The following WDR5 variants were observed in gnomAD, a reference collection of about 807,000 sequenced individuals.
WDR5 encodes the protein WD repeat domain 5, also known as WD repeat-containing protein 5.
For missense variants in WDR5, 187 were observed against 416.9 expected, an observed-to-expected ratio of 0.45 and a Z score of 4.80; for synonymous variants, 144 against 161.6, an observed-to-expected ratio of 0.89 and a Z score of 0.83.
In WDR5 at chr9:134,157,748, G is replaced by A. The variant is rs1832814462; in HGVS notation, c.905-145G>A. ...CCCCTGGGCTCCCTGTGTCGAAGGT[G>A]GGCAGTGGGTGCTTGTCCTGTGACC... On this transcript the variant is annotated intron_variant, in intron 13 of 13. Transcript: ENST00000358625. This position sits in a 1 kb window ranked among gnomAD's most constrained non-coding sequence, Gnocchi z 5.0. 2 of 664,762 alleles carry A rather than the reference G, an allele frequency of 3.0e-6. No homozygotes were observed. Among genetic ancestry groups the A allele is most frequent in the Admixed American group, 2.5e-5 (1 of 40,210 alleles). 41.2% of individuals were successfully genotyped at this position (664,762 alleles called of 1,614,324 possible).
At chr9:134,154,724 C>G (rs1201692628) in intron 10 of WDR5, among the ~76,000 whole-genome samples, 183 bp downstream of exon 10, 1 of 152,218 alleles carries the variant, frequency 6.6e-6, no homozygotes, top group Non-Finnish European at 1.5e-5. Flanking sequence ...TCCATCCCTT[C>G]CCGAGGCTGA....
rs1051154394 is a variant in WDR5, at chr9:134,158,053, A to G, written c.*60A>G. On this transcript the variant is annotated 3_prime_UTR_variant, in exon 14 of 14. Coordinates refer to ENST00000358625, the MANE Select transcript of WDR5 (RefSeq NM_017588.3). ...AAGTTGACCCGGATTGGCAAGAAAC[A>G]GGGTGTCTTGGAGGTGGTCCCCCAG... 2.0e-6 allele frequency: 3 copies of G among 1,511,698 alleles called. No homozygotes were observed. The highest frequency in any genetic ancestry group is 1.7e-4 in the Middle Eastern group (1 of 5,878). The allele number at this position is 1,511,698 out of a possible 1,614,324, so 93.6% of individuals were successfully genotyped here.
rs1289611007 is a variant in WDR5, at chr9:134,159,576, A to G, written c.*1583A>G. ...GGGTGAGGAGGGGATTATCTGAGGC[A>G]TCTGGAGATGTATATCCTGTGGTTT... On this transcript the variant is annotated 3_prime_UTR_variant, in exon 14 of 14. Coordinates refer to ENST00000358625, the MANE Select transcript of WDR5 (RefSeq NM_017588.3). The surrounding 1 kb of genome is among the most constrained non-coding windows in gnomAD (Gnocchi z 4.3). 1 of 152,184 alleles carries G rather than the reference A, an allele frequency of 6.6e-6. No homozygotes were observed. Among genetic ancestry groups the G allele is most frequent in the Non-Finnish European group, 1.5e-5 (1 of 68,072 alleles). 9.4% of individuals were successfully genotyped at this position (152,184 alleles called of 1,614,324 possible). A position where few individuals can be genotyped will look rare whatever the true frequency, so the allele number is the denominator to read the frequency against.
In WDR5 at chr9:134,139,861, C is replaced by T. The variant is rs377606529; in HGVS notation, c.-17C>T. On this transcript the variant is annotated 5_prime_UTR_variant, in exon 2 of 14. Transcript: ENST00000358625. ...GGTCCCTCCACCCTTGTCTCCTGTGCGGCCAGCGTCAGAGCCATGGCGACG... is the reference window on the plus strand; with the variant it reads ...GGTCCCTCCACCCTTGTCTCCTGTGTGGCCAGCGTCAGAGCCATGGCGACG... The T allele has an allele frequency of 1.5e-5, 24 of 1,613,222 alleles. No individual in the cohort carries two copies. Among genetic ancestry groups the T allele is most frequent in the East Asian group, 4.5e-5 (2 of 44,892 alleles).
rs570845600 is a variant in WDR5 at position 134,148,995 on chromosome 9, C to T, written c.584+652C>T. On this transcript the variant is annotated intron_variant, in intron 8 of 13. Coordinates refer to ENST00000358625, the MANE Select transcript of WDR5 (RefSeq NM_017588.3). Reference sequence around the variant, plus strand: ...TGTTTTGGATGTGGGGCGGACACATCATAAGCTGTTCAGATTGGTCACTGG... The same window carrying T: ...TGTTTTGGATGTGGGGCGGACACATTATAAGCTGTTCAGATTGGTCACTGG... Among the ~76,000 whole-genome samples, 23 of 152,206 alleles carry T rather than the reference C, an allele frequency of 1.5e-4. 1 individual carries two copies. Among genetic ancestry groups the T allele is most frequent in the African/African-American group, 5.3e-4 (22 of 41,520 alleles).
chr9:134,142,119 C>T, intron 5 of WDR5, 81 bp downstream of exon 5: 2 of 1,240,116 alleles, frequency 1.6e-6, no homozygotes, highest in East Asian at 2.8e-5. Context: ...GTTGACTGCT[C>T]AGTAAGCAAC....
intron 4 of WDR5, 80 bp from the exon 5 acceptor site, chr9:134,141,869 G>T: frequency 7.3e-7 from 1 of 1,363,292 alleles, no homozygotes; most frequent in Non-Finnish European, 1.0e-6. Flanking sequence ...GAGGGCAATG[G>T]GGATGTTTGG....
At chr9:134,154,351 G>T (rs1307015376) in intron 9 of WDR5, 115 bp from the exon 10 acceptor site, 33 of 1,042,160 alleles carry the variant, frequency 3.2e-5, no homozygotes, top group Non-Finnish European at 4.5e-5. Context: ...GGCACTGATG[G>T]TGGTGGCCGA....
At chr9:134,155,796 C>T in intron 12 of WDR5, 29 bp downstream of exon 12, 1 of 1,606,966 alleles carries the variant, frequency 6.2e-7, no homozygotes, top group Non-Finnish European at 8.5e-7. Context: ...AAGCGTCTCA[C>T]CTGTTCCCAG....
intron 7 of WDR5, among the ~76,000 whole-genome samples, chr9:134,143,536 T>TC (rs1300492253): frequency 6.6e-6 from 1 of 151,704 alleles, no homozygotes; most frequent in Admixed American, 6.6e-5. Flanking sequence ...TCTGTCTTTT[T>TC]TTTTTTTTGA....
chr9:134,153,827 G>C (rs35387289), intron 9 of WDR5, among the ~76,000 whole-genome samples: 7,589 of 152,148 alleles, frequency 0.05, 435 homozygotes, highest in African/African-American at 0.14. Context: ...TCCTCACTCA[G>C]GTGAGAGGAG....
rs537606389 is a variant in WDR5, at chr9:134,158,777, T to C, written c.*784T>C. 6.6e-6 allele frequency: 1 copy of C among 151,522 alleles called. No homozygotes were observed. Among genetic ancestry groups the C allele is most frequent in the Admixed American group, 6.5e-5 (1 of 15,268 alleles). The allele number at this position is 151,522 out of a possible 1,614,324, so 9.4% of individuals were successfully genotyped here. The stretch of plus-strand genomic sequence containing the variant: ...GGGGCAAGAGGGTGGAAGGTTTCTT[T>C]GGACAGGAGGTGCTGAGGCTGGCTG... On this transcript the variant is annotated 3_prime_UTR_variant, in exon 14 of 14. Transcript: ENST00000358625.
chr9:134,137,164 G>T (rs1831606482), intron 1 of WDR5, among the ~76,000 whole-genome samples: 1 of 152,198 alleles, frequency 6.6e-6, no homozygotes, highest in Non-Finnish European at 1.5e-5. Flanking sequence ...GTGGCATGCA[G>T]TCCAGGAGGG....
At position 134,158,120 on chromosome 9, in the gene WDR5, C is replaced by T; in HGVS notation, c.*127C>T. The T allele has an allele frequency of 2.5e-6, 2 of 790,374 alleles. No homozygotes were observed. The highest frequency in any genetic ancestry group is 4.1e-6 in the Non-Finnish European group (2 of 483,080). 49.0% of individuals were successfully genotyped at this position (790,374 alleles called of 1,614,324 possible). On this transcript the variant is annotated 3_prime_UTR_variant, in exon 14 of 14. Coordinates refer to ENST00000358625, the MANE Select transcript of WDR5 (RefSeq NM_017588.3). ...CAGGACAGGGCCTGATTTGAGCCTC[C>T]TCTCTGAAGATGATTTGGCCGAGCG...
chr9:134,142,821 C>G, intron 7 of WDR5, 102 bp downstream of exon 7: 1 of 1,168,838 alleles, frequency 8.6e-7, no homozygotes, highest in Non-Finnish European at 1.3e-6. Context: ...TGGCCATGGC[C>G]TGTGCCTAGC....
intron 1 of WDR5, among the ~76,000 whole-genome samples, chr9:134,136,413 CCGCCCCCACTCG>C (rs906663084): frequency 4.0e-5 from 6 of 151,700 alleles, no homozygotes; most frequent in Non-Finnish European, 8.8e-5. Context: ...TCCACCCGGT[CCGCCCCCACTCG>C]CGCCCCCACC....
rs77291918 is a variant in WDR5, at chr9:134,147,508, G to A, written c.529-780G>A. ...ACAAGGTTGCCACTGCACAGGGGCA[G>A]TACCACCCTGTCCCCCCCGGAAGAG... On this transcript the variant is annotated intron_variant, in intron 7 of 13. Coordinates refer to ENST00000358625, the MANE Select transcript of WDR5 (RefSeq NM_017588.3). Among the ~76,000 whole-genome samples, 1,348 of 152,338 alleles carry A rather than the reference G, an allele frequency of 8.8e-3. 12 individuals are homozygous for A. Among genetic ancestry groups the A allele is most frequent in the Non-Finnish European group, 0.014 (972 of 68,040 alleles).
At chr9:134,139,320 G>A (rs1831752451) in intron 1 of WDR5, among the ~76,000 whole-genome samples, 1 of 152,212 alleles carries the variant, frequency 6.6e-6, no homozygotes. Flanking sequence ...GTAGACCACT[G>A]GGTGCCCGTG....
intron 9 of WDR5, among the ~76,000 whole-genome samples, chr9:134,153,748 G>GGA (rs1832612120): frequency 7.4e-6 from 1 of 134,428 alleles, no homozygotes; most frequent in African/African-American, 3.4e-5. Flanking sequence ...CTTGGGGGTC[G>GGA]GTGGGGGTCT....
Sources: gnomAD v4.1 joint callset for allele counts (sites outside exome capture counted in the v4.1 genomes callset) on GRCh38, gnomAD v4.1.1 for gene constraint, Gnocchi (gnomAD v3.1) non-coding constraint, MANE v1.5 for transcripts, NCBI Gene and HGNC (gene_info 2026-07-23, HGNC 2026-07-21) for gene names.